Variants in SOX5 observed in about 807,000 individuals in gnomAD.
SOX5 encodes the protein transcription factor SOX-5.
A neutral mutation model predicts 92.0 loss-of-function variants in SOX5; 9 were observed. The ratio of observed to expected loss-of-function variants is 0.10; its 90% CI spans 0.06 to 0.17. SOX5 has a LOEUF of 0.17. Among genes scored for constraint, SOX5 ranks in the 10% least tolerant of loss-of-function variants. The pLI is 1.00. For synonymous variants in SOX5, 344 were observed against 336.3 expected, an observed-to-expected ratio of 1.02 and a Z score of -0.25; for missense variants, 642 against 944.5, an observed-to-expected ratio of 0.68 and a Z score of 4.20.
At chr12:24,091,558 T>A (rs113559208) in intron 4 of SOX5, among the ~76,000 whole-genome samples, 5,453 of 151,378 alleles carry the variant, frequency 0.036, 371 homozygotes, top group African/African-American at 0.12. Context: ...GCCTCCCAAG[T>A]AGCTGGGATT....
chr12:23,719,141 T>C (rs963211400), intron 6 of SOX5, among the ~76,000 whole-genome samples: 3 of 152,208 alleles, frequency 2.0e-5, no homozygotes, highest in Non-Finnish European at 4.4e-5. Context: ...TTTTTTCTGC[T>C]ATTGACTTCT....
At chr12:24,313,073 A>G (rs1949347252) in intron 2 of SOX5, among the ~76,000 whole-genome samples, 2 of 152,190 alleles carry the variant, frequency 1.3e-5, no homozygotes, top group Non-Finnish European at 2.9e-5. Context: ...CCTGAGGCAA[A>G]GGGTGTGAGC....
At chr12:24,238,565 C>CA (rs1964969413) in intron 3 of SOX5, among the ~76,000 whole-genome samples, 1 of 152,084 alleles carries the variant, frequency 6.6e-6, no homozygotes, top group South Asian at 2.1e-4. Flanking sequence ...CCATGTTGCC[C>CA]AGGTTGGTCT....
chr12:24,372,992 C>A (rs1036973992), intron 1 of SOX5, among the ~76,000 whole-genome samples: 2 of 149,144 alleles, frequency 1.3e-5, no homozygotes, highest in African/African-American at 2.5e-5. Context: ...GCGGCACAGG[C>A]CTGTGGTCCC....
chr12:24,439,393 A>G (rs1940066126), intron 1 of SOX5, among the ~76,000 whole-genome samples: 1 of 152,160 alleles, frequency 6.6e-6, no homozygotes, highest in South Asian at 2.1e-4. Flanking sequence ...ATGCCTGTAT[A>G]GTTATGCAGC....
intron 4 of SOX5, among the ~76,000 whole-genome samples, chr12:24,178,152 G>A (rs1199744945): frequency 6.6e-6 from 1 of 150,764 alleles, no homozygotes; most frequent in Non-Finnish European, 1.5e-5. Context: ...AGAAGTCTCA[G>A]TTCCAAACAC....
chr12:24,348,474 C>T (rs1032694773), intron 2 of SOX5, among the ~76,000 whole-genome samples: 2 of 152,022 alleles, frequency 1.3e-5, no homozygotes, highest in African/African-American at 4.8e-5. Context: ...CCCCTACCTC[C>T]CAGGTTCAAG....
At chr12:23,566,324 C>G (rs1273229990) in intron 10 of SOX5, among the ~76,000 whole-genome samples, 1 of 152,170 alleles carries the variant, frequency 6.6e-6, no homozygotes, top group East Asian at 1.9e-4. Context: ...TCATAATCTC[C>G]CATTCCCTCC....
chr12:23,748,399 A>C (rs2094068436), intron 4 of SOX5, among the ~76,000 whole-genome samples: 1 of 152,096 alleles, frequency 6.6e-6, no homozygotes, highest in African/African-American at 2.4e-5. Context: ...GTTGAATTAA[A>C]GATGATCTCA....
At chr12:24,223,247 T>C (rs1339192435) in intron 3 of SOX5, 1 of 152,224 alleles carries the variant, frequency 6.6e-6, no homozygotes, top group African/African-American at 2.4e-5. Context: ...TCCAGCATTC[T>C]ATCTGCACTT....
intron 4 of SOX5, among the ~76,000 whole-genome samples, chr12:24,000,527 A>C (rs1353731473): frequency 1.3e-5 from 2 of 152,112 alleles, no homozygotes; most frequent in Admixed American, 1.3e-4. Flanking sequence ...AATCTCTACA[A>C]CACCACTAAT....
rs80193597 is a variant in SOX5, at chr12:24,559,192, A to G, written c.-251+3137T>C. ...AAAATAAATCTTCATTTCTCAGACT[A>G]AAAATTTTTGACCAGTGCATGAGGG... On this transcript the variant is annotated intron_variant, in intron 1 of 4. Transcript: ENST00000446891. Among the ~76,000 whole-genome samples the G allele has an allele frequency of 4.3e-3, 656 of 152,318 alleles. 2 individuals are homozygous for G. Among genetic ancestry groups the G allele is most frequent in the African/African-American group, 0.014 (565 of 41,576 alleles).
chr12:24,155,506 A>T (rs937345554), intron 4 of SOX5, among the ~76,000 whole-genome samples: 6 of 152,100 alleles, frequency 3.9e-5, no homozygotes, highest in Non-Finnish European at 8.8e-5. Context: ...CACGAAAAAA[A>T]CCTTTGGGTT....
intron 3 of SOX5, among the ~76,000 whole-genome samples, chr12:23,839,990 CA>C (rs142394109): frequency 0.13 from 15,632 of 121,646 alleles, 842 homozygotes; most frequent in East Asian, 0.24. Context: ...CTCAAGAAGA[CA>C]AAAAAAAAAA....
chr12:24,385,551 C>A (rs1367036724), intron 1 of SOX5, among the ~76,000 whole-genome samples: 1 of 152,066 alleles, frequency 6.6e-6, no homozygotes, highest in African/African-American at 2.4e-5. Context: ...CATCCCTGCA[C>A]ATGTGTGTCT....
intron 1 of SOX5, among the ~76,000 whole-genome samples, chr12:24,494,537 G>A (rs1017932875): frequency 1.3e-5 from 2 of 152,136 alleles, no homozygotes; most frequent in Admixed American, 1.3e-4. Context: ...CTTAGCTGAA[G>A]TCACACCATA....
At chr12:23,583,859 T>G (rs1950369065) in intron 9 of SOX5, among the ~76,000 whole-genome samples, 1 of 152,172 alleles carries the variant, frequency 6.6e-6, no homozygotes, top group Non-Finnish European at 1.5e-5. Context: ...CATTGTTGCT[T>G]TCCTGTTAGT....
intron 1 of SOX5, among the ~76,000 whole-genome samples, chr12:24,479,037 A>G (rs1405050277): frequency 6.6e-6 from 1 of 152,186 alleles, no homozygotes; most frequent in Admixed American, 6.5e-5. Context: ...GTATGAATGG[A>G]TACCTTCTTT....
At chr12:24,474,690 C>T (rs1945172137) in intron 1 of SOX5, among the ~76,000 whole-genome samples, 1 of 151,800 alleles carries the variant, frequency 6.6e-6, no homozygotes, top group Non-Finnish European at 1.5e-5. Flanking sequence ...CGTGCACCAC[C>T]ACGCCCAGCT....
Sources: gnomAD v4.1 joint callset for allele counts (sites outside exome capture counted in the v4.1 genomes callset) on GRCh38, gnomAD v4.1.1 for gene constraint, MANE v1.5 for transcripts, NCBI Gene and HGNC (gene_info 2026-07-23, HGNC 2026-07-21) for gene names.